Variants in TMEM163 observed in about 807,000 individuals in gnomAD.
The protein encoded by TMEM163 is transmembrane protein 163.
Under a neutral mutation model 29.3 loss-of-function variants are expected in TMEM163, and 17 were observed. The ratio of observed to expected loss-of-function variants is 0.58; its 90% confidence interval spans 0.40 to 0.87. TMEM163 has a LOEUF of 0.87. Ranked by LOEUF, TMEM163 falls within the 40% of genes least tolerant of loss-of-function variation. The probability of loss-of-function intolerance (pLI) is 0.00; values close to 1 mark genes in which losing one functional copy is unlikely to be tolerated. For missense variants in TMEM163, 303 were observed against 381.5 expected (o/e 0.79, Z 1.71); for synonymous variants, 157 against 160.6 (o/e 0.98, Z 0.17).
intron 2 of TMEM163, among the ~76,000 whole-genome samples, chr2:134,568,628 GAA>G (rs1232817285): frequency 3.4e-5 from 4 of 116,276 alleles, no homozygotes; most frequent in African/African-American, 1.3e-4. Context: ...AAAGAAAAAA[GAA>G]AGAAGAAAAA....
chr2:134,577,060 C>CA (rs1681571815), intron 2 of TMEM163, among the ~76,000 whole-genome samples: 1 of 152,194 alleles, frequency 6.6e-6, no homozygotes, highest in Admixed American at 6.5e-5. Context: ...ATTCCTGCTC[C>CA]AACCTTACCC....
At chr2:134,672,615 G>A (rs575582547) in intron 2 of TMEM163, among the ~76,000 whole-genome samples, 8 of 152,012 alleles carry the variant, frequency 5.3e-5, no homozygotes, top group South Asian at 2.1e-4. Context: ...GGACTAAAGC[G>A]ATCCTCCCAC....
chr2:134,530,542 G>C (rs1038721931), intron 4 of TMEM163, among the ~76,000 whole-genome samples: 59 of 152,140 alleles, frequency 3.9e-4, no homozygotes, highest in African/African-American at 1.4e-3. Context: ...CTCCCAAAGT[G>C]CTTGGGTTAC....
chr2:134,628,989 C>T (rs1023675172), intron 2 of TMEM163, among the ~76,000 whole-genome samples: 3 of 152,162 alleles, frequency 2.0e-5, no homozygotes, highest in African/African-American at 2.4e-5. Flanking sequence ...TAGATGCCTA[C>T]GATATACTGT....
At chr2:134,626,539 C>T (rs770163214) in intron 2 of TMEM163, among the ~76,000 whole-genome samples, 2 of 152,278 alleles carry the variant, frequency 1.3e-5, no homozygotes, top group African/African-American at 2.4e-5. Context: ...ATTGTGGTTG[C>T]GTTGGGCCCA....
chr2:134,648,354 G>A (rs1683387461), intron 2 of TMEM163, among the ~76,000 whole-genome samples: 1 of 46,266 alleles, frequency 2.2e-5, no homozygotes, highest in South Asian at 4.7e-4. Context: ...TCTCTGCTGT[G>A]TGGAACCTGG....
intron 2 of TMEM163, among the ~76,000 whole-genome samples, chr2:134,707,875 C>A: frequency 6.9e-6 from 1 of 144,418 alleles, no homozygotes; most frequent in Non-Finnish European, 1.5e-5. Context: ...AAAAGGGGGG[C>A]AAAAGTCAGG....
intron 2 of TMEM163, among the ~76,000 whole-genome samples, chr2:134,603,171 T>C (rs1057138908): frequency 6.6e-6 from 1 of 152,148 alleles, no homozygotes; most frequent in African/African-American, 2.4e-5. Context: ...ACCTTGTCTC[T>C]TTCTGCTGGA....
At chr2:134,680,736 A>C (rs1684212015) in intron 2 of TMEM163, among the ~76,000 whole-genome samples, 3 of 152,170 alleles carry the variant, frequency 2.0e-5, no homozygotes, top group African/African-American at 7.2e-5. Context: ...TTTGGGACAG[A>C]CAGGGTTTAT....
chr2:134,681,029 A>T (rs991487573), intron 2 of TMEM163, among the ~76,000 whole-genome samples: 1 of 152,186 alleles, frequency 6.6e-6, no homozygotes, highest in Admixed American at 6.5e-5. Context: ...GCCGCCACCC[A>T]TCTTTATAAC....
At chr2:134,552,389 T>C (rs1680950112) in intron 2 of TMEM163, among the ~76,000 whole-genome samples, 1 of 152,194 alleles carries the variant, frequency 6.6e-6, no homozygotes, top group Non-Finnish European at 1.5e-5. Flanking sequence ...TTTGAGAATT[T>C]AGCAACTGGG....
At chr2:134,521,682 G>A (rs1370414515) in intron 4 of TMEM163, among the ~76,000 whole-genome samples, 1 of 152,212 alleles carries the variant, frequency 6.6e-6, no homozygotes, top group Non-Finnish European at 1.5e-5. Context: ...CTAACAGGAA[G>A]GCTTGTGAAG....
chr2:134,470,260 G>A (rs542061361), intron 5 of TMEM163, among the ~76,000 whole-genome samples: 1 of 152,144 alleles, frequency 6.6e-6, no homozygotes, highest in Admixed American at 6.5e-5. Flanking sequence ...GGGAGGCTGA[G>A]GCAGGAGAAT....
chr2:134,554,976 A>G (rs1256762719), intron 2 of TMEM163, among the ~76,000 whole-genome samples: 1 of 152,182 alleles, frequency 6.6e-6, no homozygotes, highest in Non-Finnish European at 1.5e-5. Context: ...GGAAAGGGAG[A>G]AATGCCAAAA....
intron 2 of TMEM163, among the ~76,000 whole-genome samples, chr2:134,656,128 C>T (rs1035969628): frequency 2.1e-5 from 3 of 143,956 alleles, no homozygotes; most frequent in East Asian, 2.0e-4. Flanking sequence ...TGGGCAATGA[C>T]GGGCGCCCCT....
rs536835791 is a variant in TMEM163, at chr2:134,457,924, G to A, written c.809+108C>T. The stretch of plus-strand genomic sequence containing the variant: ...CTGGTCAGGCTCAGGAGGGGCACAG[G>A]TACAAAATATGACCTTCAGAAGCCT... On this transcript the variant is annotated intron_variant, in intron 7 of 7. Transcript: ENST00000281924. The A allele has an allele frequency of 3.0e-5, 47 of 1,546,028 alleles. No individual in the cohort carries two copies. In the East Asian group the frequency reaches 4.5e-4, roughly 15 times the overall value.
At chr2:134,513,370 A>T (rs1679990511) in intron 4 of TMEM163, among the ~76,000 whole-genome samples, 1 of 152,178 alleles carries the variant, frequency 6.6e-6, no homozygotes, top group African/African-American at 2.4e-5. Flanking sequence ...AATCATCAGC[A>T]CATGGATTAC....
chr2:134,536,086 G>A (rs1205526488), intron 4 of TMEM163, among the ~76,000 whole-genome samples: 19 of 152,262 alleles, frequency 1.2e-4, no homozygotes, highest in Admixed American at 2.0e-4. Flanking sequence ...GCGTATATAC[G>A]TGCACTTTTC....
chr2:134,597,540 A>G (rs945325985), intron 2 of TMEM163, among the ~76,000 whole-genome samples: 15 of 152,194 alleles, frequency 9.9e-5, no homozygotes, highest in Admixed American at 9.8e-4. Context: ...GGATTTTTGC[A>G]TCGATATTCA....
Sources: allele counts gnomAD v4.1 joint callset (sites outside exome capture counted in the v4.1 genomes callset), GRCh38; gene constraint gnomAD v4.1.1; transcripts MANE v1.5; gene names NCBI Gene and HGNC (gene_info 2026-07-23, HGNC 2026-07-21).